Variants in BICRAL observed in about 807,000 individuals in gnomAD.
The protein encoded by BICRAL is BRD4-interacting chromatin-remodeling complex-associated protein-like.
BICRAL carries 8 observed loss-of-function variants against 91.8 expected under a neutral mutation model. The observed-to-expected ratio is 0.09, with a 90% CI of 0.05 to 0.16. The LOEUF (loss-of-function observed/expected upper bound fraction) is 0.16. BICRAL is among the 10% of genes least tolerant of loss of function. The pLI, the probability that BICRAL is intolerant of heterozygous loss-of-function variation, is 1.00. For synonymous variants in BICRAL, 445 were observed against 491.1 expected, an observed-to-expected ratio of 0.91 and a Z score of 1.24; for missense variants, 1,038 against 1,310.9, an observed-to-expected ratio of 0.79 and a Z score of 3.21.
chr6:42,829,068 C>G lies in BICRAL; in HGVS notation c.735C>G (p.Ala245=). 4 of 1,614,088 alleles carry G rather than the reference C, an allele frequency of 2.5e-6. No homozygotes were observed. The highest frequency in any genetic ancestry group is 3.4e-6 in the Non-Finnish European group (4 of 1,179,994). The change falls in exon 6 of 13, where the codon GCC becomes GCG. Residue 245 remains alanine (A), a synonymous_variant. Coordinates refer to ENST00000314073, the MANE Select transcript of BICRAL (RefSeq NM_001393499.1). ...TATTAAAGGGCAGCGGGCAGCAAGC[C>G]CCATCAAATGTGAGTGGAGGGCTCC... ...QIILKGSGQQ[A]PSNVSGGLLV... is the part of the protein sequence containing the mutation.
chr6:42,830,914 TTTC>T (rs370579204), intron 6 of BICRAL, among the ~76,000 whole-genome samples: 1 of 152,176 alleles, frequency 6.6e-6, no homozygotes, highest in South Asian at 2.1e-4. Context: ...CCCGACCTTT[TTTC>T]TTAAAATTTT....
chr6:42,794,441 G>A (rs1343754590), intron 1 of BICRAL, among the ~76,000 whole-genome samples: 4 of 148,138 alleles, frequency 2.7e-5, no homozygotes, highest in Non-Finnish European at 6.0e-5. Context: ...GTGTGTGTGT[G>A]TGTGTGTGTG....
In BICRAL at chr6:42,802,518, G is replaced by A. The variant is rs974508515; in HGVS notation, c.-101-7788G>A. 5.3e-5 allele frequency among the ~76,000 whole-genome samples: 8 copies of A among 151,844 alleles called. No individual in the cohort carries two copies. The South Asian group carries it at 8.3e-4, about 16-fold the overall frequency. On this transcript the variant is annotated intron_variant, in intron 1 of 12. Transcript: ENST00000314073. ...GGCTGGAGTGCAGTGGCACGATCTC[G>A]GCTCACTGCAACCTCCGCCTCCTGG... is the stretch of plus-strand genomic sequence containing the variant.
intron 2 of BICRAL, among the ~76,000 whole-genome samples, chr6:42,815,428 G>A (rs1763964977): frequency 6.6e-6 from 1 of 151,808 alleles, no homozygotes; most frequent in African/African-American, 2.4e-5. Flanking sequence ...CTGACCTCAG[G>A]TGATCCGCCC....
Position 42,860,276 on chromosome 6 carries a change from G to C in BICRAL, c.2269G>C (p.Glu757Gln). 1.3e-6 allele frequency: 2 copies of C among 1,599,408 alleles called. No individual in the cohort carries two copies. Among genetic ancestry groups the C allele is most frequent in the South Asian group, 1.1e-5 (1 of 90,674 alleles). ...EDLRKVDNEF[E>Q]TVATQLLKRT... ...TCTTTTTAAAGTGGACAATGAATTT[G>C]AGACAGTTGCCACTCAGCTCCTAAA... The change falls in exon 11 of 13, where the codon GAG becomes CAG. Residue 757 changes from glutamate to glutamine, a missense_variant. Physicochemically the swap from Glu to Gln is conservative, Grantham distance 29 (BLOSUM62 2). Transcript: ENST00000314073.
At chr6:42,795,068 A>G (rs1408683573) in intron 1 of BICRAL, among the ~76,000 whole-genome samples, 1 of 151,980 alleles carries the variant, frequency 6.6e-6, no homozygotes, top group Non-Finnish European at 1.5e-5. Context: ...AAGGTAACTG[A>G]AAAGATCTAC....
intron 8 of BICRAL, among the ~76,000 whole-genome samples, chr6:42,855,539 CA>C (rs1213676348): frequency 6.7e-6 from 1 of 149,122 alleles, no homozygotes; most frequent in East Asian, 1.9e-4. Flanking sequence ...ACGACCCTGT[CA>C]AAAAACATGA....
chr6:42,778,529 G>A (rs376376397), upstream of BICRAL, among the ~76,000 whole-genome samples: 9 of 152,174 alleles, frequency 5.9e-5, no homozygotes, highest in African/African-American at 1.9e-4. Context: ...AAATGTCAAT[G>A]TTCTTGTATT....
upstream of BICRAL, among the ~76,000 whole-genome samples, chr6:42,780,559 C>T (rs922011296): frequency 1.3e-4 from 20 of 152,214 alleles, no homozygotes; most frequent in Middle Eastern, 3.4e-3. Context: ...ATTTCTTAGG[C>T]TTAATATGTA....
intron 2 of BICRAL, among the ~76,000 whole-genome samples, chr6:42,817,967 TAAAAAAAA>T (rs11396430): frequency 1.9e-5 from 2 of 107,254 alleles, no homozygotes; most frequent in African/African-American, 7.0e-5. Context: ...ACCCTATCTC[TAAAAAAAA>T]AAAAAAAAAA....
At chr6:42,839,857 C>A (rs1217729363) in intron 6 of BICRAL, among the ~76,000 whole-genome samples, 1 of 152,126 alleles carries the variant, frequency 6.6e-6, no homozygotes, top group Non-Finnish European at 1.5e-5. Flanking sequence ...CTTTGTGTCA[C>A]AAGACACTGT....
intron 1 of BICRAL, among the ~76,000 whole-genome samples, chr6:42,771,196 A>G (rs933476519): frequency 1.3e-5 from 2 of 152,210 alleles, no homozygotes; most frequent in African/African-American, 4.8e-5. Context: ...AGCGGTGTAC[A>G]GGGTTGGCGG....
chr6:42,861,053 A>G (rs1765541392), intron 11 of BICRAL, among the ~76,000 whole-genome samples: 1 of 152,148 alleles, frequency 6.6e-6, no homozygotes, highest in Non-Finnish European at 1.5e-5. Flanking sequence ...TTGAAGCTGG[A>G]AGGCAGAGGT....
upstream of BICRAL, among the ~76,000 whole-genome samples, chr6:42,780,473 G>A (rs1454350492): frequency 6.6e-6 from 1 of 152,174 alleles, no homozygotes; most frequent in Non-Finnish European, 1.5e-5. Flanking sequence ...CATAGGCAGA[G>A]CAGCTGAGCA....
chr6:42,817,579 A>G (rs1005117798), intron 2 of BICRAL, among the ~76,000 whole-genome samples: 3 of 151,818 alleles, frequency 2.0e-5, no homozygotes, highest in African/African-American at 7.3e-5. Context: ...ACGCTCAAGC[A>G]AACAATCCTC....
intron 5 of BICRAL, among the ~76,000 whole-genome samples, chr6:42,826,642 C>T (rs1764312243): frequency 1.3e-5 from 2 of 152,052 alleles, no homozygotes; most frequent in African/African-American, 4.8e-5. Flanking sequence ...GCCTTAGGTT[C>T]CCTTACTCTT....
Position 42,822,074 on chromosome 6 carries a change from T to C in BICRAL, c.41+11T>C, listed in dbSNP as rs749799678. The C allele has an allele frequency of 4.8e-5, 76 of 1,580,408 alleles. 2 individuals carry two copies. The Middle Eastern group carries it at 3.0e-3, about 62-fold the overall frequency. On this transcript the variant is annotated intron_variant, in intron 3 of 12. Coordinates refer to ENST00000314073, the MANE Select transcript of BICRAL (RefSeq NM_001393499.1). ...CCTTGATCTTATTGGGTAAGATGCTTATTCCAAAACCTGGGTAAATCAAAT... is the reference window on the plus strand; with the variant it reads ...CCTTGATCTTATTGGGTAAGATGCTCATTCCAAAACCTGGGTAAATCAAAT...
rs962446384 is a variant in BICRAL at position 42,836,619 on chromosome 6, C to CTTTT, written c.1839+6464_1839+6467dup. 5.3e-3 allele frequency among the ~76,000 whole-genome samples: 668 copies of CTTTT among 125,318 alleles called. 4 individuals are homozygous for CTTTT. The highest frequency in any genetic ancestry group is 0.017 in the African/African-American group (575 of 33,770). The allele number at this position is 125,318 out of a possible 152,430, so 82.2% of individuals were successfully genotyped here. A position where few individuals can be genotyped will look rare whatever the true frequency, so the allele number is the denominator to read the frequency against. On this transcript the variant is annotated intron_variant, in intron 6 of 12. Coordinates refer to ENST00000314073, the MANE Select transcript of BICRAL (RefSeq NM_001393499.1). ...AAATTATTTGCTTTCTGTGTAGTTT[C>CTTTT]TTTTTTTTTTTTTTTTTTTTGAGAT...
At chr6:42,755,671 C>CT (rs1038106194) in intron 1 of BICRAL, among the ~76,000 whole-genome samples, 1,795 of 140,610 alleles carry the variant, frequency 0.013, 11 homozygotes, top group African/African-American at 0.015. Flanking sequence ...TCACCTCTTT[C>CT]TTTTTTTTTT....
Sources: gnomAD v4.1 joint callset for allele counts (sites outside exome capture counted in the v4.1 genomes callset) on GRCh38, gnomAD v4.1.1 for gene constraint, MANE v1.5 for transcripts, NCBI Gene and HGNC (gene_info 2026-07-23, HGNC 2026-07-21) for gene names.